Variants in AKAP8L observed in about 807,000 individuals in gnomAD.
The protein encoded by AKAP8L is A-kinase anchoring protein 8 like.
A neutral mutation model predicts 77.5 loss-of-function variants in AKAP8L; 34 were observed. The observed-to-expected ratio is 0.44, with a 90% CI of 0.33 to 0.58. AKAP8L has a LOEUF of 0.58. Ranked by LOEUF, AKAP8L falls within the 20% of genes least tolerant of loss-of-function variation. The probability of loss-of-function intolerance (pLI) is 0.02; values close to 1 mark genes in which losing one functional copy is unlikely to be tolerated. For synonymous variants in AKAP8L, 342 were observed against 340.7 expected, an observed-to-expected ratio of 1.00 and a Z score of -0.04; for missense variants, 806 against 887.6, an observed-to-expected ratio of 0.91 and a Z score of 1.17.
chr19:15,388,161 C>T (rs1320627109), intron 12 of AKAP8L, among the ~76,000 whole-genome samples: 1 of 151,116 alleles, frequency 6.6e-6, no homozygotes, highest in Non-Finnish European at 1.5e-5. Context: ...AGACACACCA[C>T]CAGTTTCATA....
intron 12 of AKAP8L, among the ~76,000 whole-genome samples, chr19:15,382,483 G>A (rs764045739): frequency 1.3e-5 from 2 of 152,106 alleles, no homozygotes; most frequent in East Asian, 3.9e-4. Context: ...GATTACAGGC[G>A]TGAGCCACCA....
intron 12 of AKAP8L, among the ~76,000 whole-genome samples, chr19:15,387,858 C>A (rs945991645): frequency 3.3e-5 from 5 of 151,972 alleles, no homozygotes; most frequent in African/African-American, 1.2e-4. Context: ...ACTCGGGAGG[C>A]TGAGGCAGGA....
In AKAP8L at chr19:15,397,583, T is replaced by C; in HGVS notation, c.1342A>G (p.Lys448Glu). 1.2e-6 allele frequency: 2 copies of C among 1,613,954 alleles called. No individual in the cohort carries two copies. The highest frequency in any genetic ancestry group is 1.7e-6 in the Non-Finnish European group (2 of 1,179,876). The stretch of plus-strand genomic sequence containing the variant: ...AGGCCATCAAGGTCCTCCACGGTTT[T>C]TCGGAGCTCCTCTGTCTTCTTGGTC... ...NKTKKTEELR[K>E]TVEDLDGLIQ... Residue 448 changes from lysine to glutamate, a missense_variant, in exon 11 of 14, where the codon AAA becomes GAA. By Grantham distance (56) the Lys-to-Glu change is moderately conservative. Transcript: ENST00000397410. The surrounding 1 kb of genome is among the most constrained non-coding windows in gnomAD (Gnocchi z 4.7).
At chr19:15,417,123 G>C (rs72994092) in intron 1 of AKAP8L, among the ~76,000 whole-genome samples, 1,758 of 152,140 alleles carry the variant, frequency 0.012, 17 homozygotes, top group South Asian at 0.05. Context: ...CTGGAATTCA[G>C]GTTTGGTCAT....
Position 15,398,943 on chromosome 19 carries a change from C to T in AKAP8L, c.1157+359G>A, listed in dbSNP as rs1024928957. ...TGGCAGCTAGCTGGGGCGGCACAGG[C>T]GCCTTGGACCTTGAGTCTCTGATGA... On this transcript the variant is annotated intron_variant, in intron 9 of 13. Coordinates refer to ENST00000397410, the MANE Select transcript of AKAP8L (RefSeq NM_014371.4). This position sits in a 1 kb window ranked among gnomAD's most constrained non-coding sequence, Gnocchi z 9.2. 9 of 416,446 alleles carry T rather than the reference C, an allele frequency of 2.2e-5. No homozygotes were observed. The highest frequency in any genetic ancestry group is 8.9e-5 in the East Asian group (1 of 11,282). The allele number at this position is 416,446 out of a possible 1,614,324, so 25.8% of individuals were successfully genotyped here.
intron 2 of AKAP8L, among the ~76,000 whole-genome samples, chr19:15,409,688 G>A (rs2145146239): frequency 6.6e-6 from 1 of 152,286 alleles, no homozygotes; most frequent in East Asian, 1.9e-4. Flanking sequence ...GGCTGCCACA[G>A]CACACAAACA....
At chr19:15,400,059 C>T (rs946755840) in intron 8 of AKAP8L, 2 of 575,732 alleles carry the variant, frequency 3.5e-6, no homozygotes, top group African/African-American at 3.8e-5. Flanking sequence ...GAAGGCAAAA[C>T]CAGTGTGCTA....
intron 2 of AKAP8L, among the ~76,000 whole-genome samples, chr19:15,406,363 G>A (rs1216340460): frequency 1.7e-4 from 2 of 11,846 alleles, no homozygotes; most frequent in African/African-American, 1.3e-3. Context: ...AAATTTTAAG[G>A]AGAGAGAGAG....
chr19:15,394,003 A>T (rs946802565), intron 12 of AKAP8L, among the ~76,000 whole-genome samples: 6 of 152,150 alleles, frequency 3.9e-5, no homozygotes, highest in African/African-American at 1.4e-4. Context: ...AATGGTGCAC[A>T]GTCACTTTGG....
In AKAP8L at chr19:15,397,798, G is replaced by T. The variant is rs2145127518; in HGVS notation, c.1215C>A (p.Ala405=). The change falls in exon 10 of 14, where the codon GCC becomes GCA. Residue 405 remains alanine (A), a synonymous_variant. Transcript: ENST00000397410. The surrounding 1 kb of genome is among the most constrained non-coding windows in gnomAD (Gnocchi z 4.7). ...TGTGGAACTTGCTGTCAAGATGGCT[G>T]GCCATCTCGTCCTCATAGAAGGTCC... ...KYRTFYEDEM[A]SHLDSKFHKE... 3 of 1,613,930 alleles carry T rather than the reference G, an allele frequency of 1.9e-6. No homozygotes were observed. In the East Asian group the frequency reaches 6.7e-5, roughly 36 times the overall value.
intron 12 of AKAP8L, chr19:15,383,492 C>A (rs367848504): frequency 1.3e-5 from 2 of 152,338 alleles, no homozygotes; most frequent in East Asian, 3.9e-4. Flanking sequence ...CTGCCCCCAG[C>A]CTTGCATATT....
intron 2 of AKAP8L, among the ~76,000 whole-genome samples, chr19:15,404,546 C>G (rs191657030): frequency 2.2e-4 from 33 of 152,332 alleles, no homozygotes; most frequent in Non-Finnish European, 3.1e-4. Flanking sequence ...ACTTAATATG[C>G]TCTGGATTCA....
At chr19:15,392,513 A>G (rs1200349227) in intron 12 of AKAP8L, among the ~76,000 whole-genome samples, 2 of 152,044 alleles carry the variant, frequency 1.3e-5, no homozygotes, top group African/African-American at 2.4e-5. Flanking sequence ...AAAAAAAAAA[A>G]GTATTTTTAT....
intron 12 of AKAP8L, among the ~76,000 whole-genome samples, chr19:15,392,451 G>C (rs1025983955): frequency 2.0e-5 from 3 of 151,522 alleles, no homozygotes; most frequent in Non-Finnish European, 1.5e-5. Context: ...GAGTCATGAT[G>C]GTGCCACTGC....
chr19:15,418,183 T>C (rs772634500), intron 1 of AKAP8L, among the ~76,000 whole-genome samples: 2 of 152,222 alleles, frequency 1.3e-5, no homozygotes, highest in Non-Finnish European at 1.5e-5. Flanking sequence ...CACCCTAAAA[T>C]ATATCCTACA....
In AKAP8L at chr19:15,397,970, A is replaced by G; in HGVS notation, c.1158-115T>C. ...ACAGGCCTTGCTCACGGGCCTCTGA[A>G]GTACGGTCCCAGCAGAGGGACAGGC... On this transcript the variant is annotated intron_variant, in intron 9 of 13. Transcript: ENST00000397410. This position sits in a 1 kb window ranked among gnomAD's most constrained non-coding sequence, Gnocchi z 4.7. The G allele has an allele frequency of 3.0e-6, 4 of 1,332,784 alleles. No homozygotes were observed. The highest frequency in any genetic ancestry group is 4.1e-6 in the Non-Finnish European group (4 of 974,252). The allele number at this position is 1,332,784 out of a possible 1,614,324, so 82.6% of individuals were successfully genotyped here.
At chr19:15,392,665 G>A (rs1967686730) in intron 12 of AKAP8L, among the ~76,000 whole-genome samples, 1 of 151,896 alleles carries the variant, frequency 6.6e-6, no homozygotes, top group South Asian at 2.1e-4. Context: ...GGGAGGCTGA[G>A]GTGGGTGGAT....
chr19:15,387,078 G>A (rs1967554398), intron 12 of AKAP8L, among the ~76,000 whole-genome samples: 1 of 152,234 alleles, frequency 6.6e-6, no homozygotes, highest in East Asian at 1.9e-4. Flanking sequence ...GTGGAATGGA[G>A]GCTTGACCCT....
chr19:15,417,881 C>T (rs1038631340), intron 1 of AKAP8L, among the ~76,000 whole-genome samples: 3 of 152,204 alleles, frequency 2.0e-5, no homozygotes, highest in African/African-American at 4.8e-5. Flanking sequence ...GAGGCCTTGG[C>T]AATTCACCCA....
Sources: allele counts gnomAD v4.1 joint callset (sites outside exome capture counted in the v4.1 genomes callset), GRCh38; gene constraint gnomAD v4.1.1; non-coding constraint Gnocchi (gnomAD v3.1); transcripts MANE v1.5; gene names NCBI Gene and HGNC (gene_info 2026-07-23, HGNC 2026-07-21).